Variants in MAP3K13 observed in about 807,000 individuals in gnomAD.
MAP3K13 encodes the protein mitogen-activated protein kinase kinase kinase 13.
A neutral mutation model predicts 104.0 loss-of-function variants in MAP3K13; 52 were observed. The observed-to-expected ratio is 0.50, with a 90% confidence interval of 0.40 to 0.63. The LOEUF is 0.63. MAP3K13 is among the 20% of genes least tolerant of loss of function. The probability of loss-of-function intolerance (pLI) is 0.00; values close to 1 mark genes in which losing one functional copy is unlikely to be tolerated. For missense variants in MAP3K13, 914 were observed against 1,218.5 expected (o/e 0.75, Z 3.72); for synonymous variants, 394 against 442.2 (o/e 0.89, Z 1.37).
At chr3:185,331,673 A>G (rs1260247017) in intron 2 of MAP3K13, among the ~76,000 whole-genome samples, 1 of 152,078 alleles carries the variant, frequency 6.6e-6, no homozygotes, top group Non-Finnish European at 1.5e-5. Context: ...CAACCATAGG[A>G]ATTTTTTGAA....
intron 1 of MAP3K13, among the ~76,000 whole-genome samples, chr3:185,387,818 A>G (rs1711785708): frequency 6.6e-6 from 1 of 152,148 alleles, no homozygotes; most frequent in Non-Finnish European, 1.5e-5. Context: ...AGCCTGAGCA[A>G]TCAAGCAAAA....
chr3:185,457,770 T>C (rs1716851236), intron 7 of MAP3K13, among the ~76,000 whole-genome samples: 1 of 152,190 alleles, frequency 6.6e-6, no homozygotes, highest in South Asian at 2.1e-4. Context: ...TGCTACCTCC[T>C]AGAATTTTCT....
Position 185,454,762 on chromosome 3 carries a change from T to C in MAP3K13, c.1278+3367T>C, listed in dbSNP as rs1179828112. On this transcript the variant is annotated intron_variant, in intron 7 of 13. Transcript: ENST00000265026. ...ATATATATCATATATATGAGATATA[T>C]ATGACATATATATGAGATATATACA... is the stretch of plus-strand genomic sequence containing the variant. Among the ~76,000 whole-genome samples the C allele has an allele frequency of 6.9e-4, 68 of 98,462 alleles. 15 individuals carry two copies. Among genetic ancestry groups the C allele is most frequent in the African/African-American group, 2.4e-3 (61 of 25,910 alleles). 64.6% of individuals were successfully genotyped at this position (98,462 alleles called of 152,430 possible).
chr3:185,466,841 G>A lies in MAP3K13; in HGVS notation c.1521G>A (p.Val507=), dbSNP rs770826002. 7 of 1,613,844 alleles carry A rather than the reference G, an allele frequency of 4.3e-6. No homozygotes were observed. The highest frequency in any genetic ancestry group is 2.2e-5 in the East Asian group (1 of 44,898). Residue 507 remains valine (V), a synonymous_variant, in exon 10 of 14, where the codon GTG becomes GTA. Coordinates refer to ENST00000265026, the MANE Select transcript of MAP3K13 (RefSeq NM_004721.5). ...TATTCTGCAGGCGTGAGCAAGCAGT[G>A]GAAAAGAAGTATCCTGGGACCTACA... ...EKELIKREQA[V]EKKYPGTYKR...
chr3:185,463,615 C>A lies in MAP3K13; in HGVS notation c.1344C>A (p.His448Gln). 1.9e-6 allele frequency: 3 copies of A among 1,613,270 alleles called. No individual in the cohort carries two copies. The highest frequency in any genetic ancestry group is 2.5e-6 in the Non-Finnish European group (3 of 1,179,356). The change falls in exon 8 of 14, where the codon CAC (histidine) becomes CAA (glutamine). Residue 448 changes from histidine to glutamine, a missense_variant. His to Gln is a conservative substitution (Grantham distance 24). Around this residue, in one of 3 missense-constraint regions of MAP3K13, gnomAD observed 583 missense variants for 737.4 expected, o/e 0.79. Transcript: ENST00000265026. ...EKIKSEGTCI[H>Q]RLDEELIRRR... ...TCAAAAGTGAAGGAACTTGTATACA[C>A]CGGTTAGATGAAGAACTGATTCGAA...
chr3:185,314,950 A>T (rs1485815628), intron 2 of MAP3K13, among the ~76,000 whole-genome samples: 2 of 152,022 alleles, frequency 1.3e-5, no homozygotes, highest in Non-Finnish European at 2.9e-5. Context: ...CACAATTTTT[A>T]AAAAATAACT....
rs1439778005 is a variant in MAP3K13, at chr3:185,487,586, T to C, written c.*5130T>C. 2 of 152,176 alleles carry C rather than the reference T, an allele frequency of 1.3e-5. No homozygotes were observed. Among genetic ancestry groups the C allele is most frequent in the African/African-American group, 2.4e-5 (1 of 41,440 alleles). 9.4% of individuals were successfully genotyped at this position (152,176 alleles called of 1,614,324 possible). A position where few individuals can be genotyped will look rare whatever the true frequency, so the allele number is the denominator to read the frequency against. On this transcript the variant is annotated 3_prime_UTR_variant, in exon 14 of 14. Transcript: ENST00000265026. ...CTTCAATGTCCTCATGTCTCAATTT[T>C]TTTTTCCTTTTCTTAAAACAGTCCC... is the stretch of plus-strand genomic sequence containing the variant.
intron 1 of MAP3K13, among the ~76,000 whole-genome samples, chr3:185,398,719 G>A (rs914240841): frequency 1.6e-4 from 25 of 152,224 alleles, no homozygotes; most frequent in African/African-American, 6.0e-4. Context: ...TTGCTGAATT[G>A]TGGTACCTAC....
intron 7 of MAP3K13, among the ~76,000 whole-genome samples, chr3:185,455,371 T>A (rs1195986743): frequency 2.7e-5 from 2 of 72,808 alleles, no homozygotes; most frequent in African/African-American, 1.0e-4. Flanking sequence ...GAGATATATA[T>A]GATATATATG....
intron 1 of MAP3K13, among the ~76,000 whole-genome samples, chr3:185,413,587 C>T (rs1449893205): frequency 1.3e-5 from 2 of 152,072 alleles, no homozygotes; most frequent in African/African-American, 2.4e-5. Context: ...TTTGGGAGGC[C>T]GAGGTGGGTG....
chr3:185,427,002 G>C (rs1714459282), intron 1 of MAP3K13, among the ~76,000 whole-genome samples: 1 of 152,144 alleles, frequency 6.6e-6, no homozygotes, highest in Non-Finnish European at 1.5e-5. Flanking sequence ...TTAGTACAGA[G>C]TGAAGGAAGG....
chr3:185,392,922 GGT>G (rs1289034989), intron 1 of MAP3K13, among the ~76,000 whole-genome samples: 6 of 151,882 alleles, frequency 4.0e-5, no homozygotes, highest in Admixed American at 2.0e-4. Flanking sequence ...CCTGGTGGTG[GGT>G]GCCTGTAATC....
chr3:185,316,749 T>C (rs1384149123), intron 2 of MAP3K13, among the ~76,000 whole-genome samples: 1 of 152,222 alleles, frequency 6.6e-6, no homozygotes, highest in Non-Finnish European at 1.5e-5. Flanking sequence ...TTTCTCTCCC[T>C]CTGTCCCCAA....
intron 10 of MAP3K13, among the ~76,000 whole-genome samples, chr3:185,470,085 G>T (rs59319531): frequency 0.47 from 71,523 of 151,950 alleles, 17,077 homozygotes; most frequent in Middle Eastern, 0.54. Context: ...GAGAAGGGCT[G>T]CTGCTCTCCA....
upstream of MAP3K13, among the ~76,000 whole-genome samples, chr3:185,358,682 T>A (rs991717665): frequency 6.6e-6 from 1 of 152,160 alleles, no homozygotes; most frequent in Non-Finnish European, 1.5e-5. Flanking sequence ...CTTTGAATAT[T>A]GAAATTCAGT....
At position 185,477,318 on chromosome 3, in the gene MAP3K13, C is replaced by T. The variant is rs199967971; in HGVS notation, c.2431-8C>T. 2,461 of 1,578,238 alleles carry T rather than the reference C, an allele frequency of 1.6e-3. 28 individuals carry two copies. Among genetic ancestry groups the T allele is most frequent in the East Asian group, 5.1e-3 (230 of 44,716 alleles). On this transcript the variant is annotated splice_region_variant and splice_polypyrimidine_tract_variant and intron_variant, in intron 11 of 13. Transcript: ENST00000265026. The stretch of plus-strand genomic sequence containing the variant: ...ATAAATAAAACTCTTAATCCTTGTT[C>T]TCCTCAGAGTGGAGATGACTCCTCA...
chr3:185,395,105 T>A (rs2108771418), intron 1 of MAP3K13, among the ~76,000 whole-genome samples: 1 of 152,242 alleles, frequency 6.6e-6, no homozygotes, highest in East Asian at 1.9e-4. Flanking sequence ...TAAATCTAAA[T>A]GTAGTTTTTT....
rs1038897604 is a variant in MAP3K13 at position 185,489,021 on chromosome 3, A to G, written c.*6565A>G. ...TTTCTGATGCCGGCTCCCTCTCTGT[A>G]TTGAACGGCAATGGGAACAAGAATG... On this transcript the variant is annotated 3_prime_UTR_variant, in exon 14 of 14. Coordinates refer to ENST00000265026, the MANE Select transcript of MAP3K13 (RefSeq NM_004721.5). 6.6e-6 allele frequency: 1 copy of G among 152,120 alleles called. No individual in the cohort carries two copies. The highest frequency in any genetic ancestry group is 2.4e-5 in the African/African-American group (1 of 41,406). 9.4% of individuals were successfully genotyped at this position (152,120 alleles called of 1,614,324 possible).
intron 2 of MAP3K13, among the ~76,000 whole-genome samples, chr3:185,343,163 C>T (rs761752828): frequency 3.9e-5 from 6 of 151,988 alleles, no homozygotes; most frequent in Non-Finnish European, 5.9e-5. Context: ...ATTACGTGCA[C>T]GTAATCATGT....
Sources: gnomAD v4.1 joint callset for allele counts (sites outside exome capture counted in the v4.1 genomes callset) on GRCh38, gnomAD v4.1.1 for gene constraint, gnomAD v4.1.1 regional missense constraint, MANE v1.5 for transcripts, NCBI Gene and HGNC (gene_info 2026-07-23, HGNC 2026-07-21) for gene names.